LMBR1: variants seen among roughly 807,000 people sequenced by gnomAD.
LMBR1 encodes limb development membrane protein 1, also known as limb region 1 protein homolog.
A neutral mutation model predicts 73.9 loss-of-function variants in LMBR1; 52 were observed. The observed-to-expected ratio is 0.70, with a 90% CI of 0.56 to 0.89. The LOEUF (loss-of-function observed/expected upper bound fraction) is 0.89, where lower values mean the gene tolerates loss of function less well. Among genes scored for constraint, LMBR1 ranks in the 40% least tolerant of loss-of-function variants. The pLI, the probability that LMBR1 is intolerant of heterozygous loss-of-function variation, is 0.00. For missense variants in LMBR1, 539 were observed against 579.8 expected (o/e 0.93, Z 0.72); for synonymous variants, 215 against 209.4 (o/e 1.03, Z -0.23).
intron 9 of LMBR1, among the ~76,000 whole-genome samples, chr7:156,749,464 T>C (rs1404419912): frequency 1.3e-5 from 2 of 152,144 alleles, no homozygotes; most frequent in African/African-American, 4.8e-5. Context: ...CAAATTCAAC[T>C]TGGTTATAAA....
intron 3 of LMBR1, among the ~76,000 whole-genome samples, chr7:156,831,346 GT>G (rs147815294): frequency 0.016 from 2,243 of 139,040 alleles, 49 homozygotes; most frequent in African/African-American, 0.056. Flanking sequence ...TGAGAACTCT[GT>G]TTTACATACA....
At chr7:156,726,591 T>C in intron 12 of LMBR1, among the ~76,000 whole-genome samples, 1 of 152,068 alleles carries the variant, frequency 6.6e-6, no homozygotes, top group East Asian at 1.9e-4. Flanking sequence ...ACAGATTACA[T>C]CTAATAGAAA....
chr7:156,835,330 C>A (rs1837424171), intron 2 of LMBR1, among the ~76,000 whole-genome samples: 1 of 152,112 alleles, frequency 6.6e-6, no homozygotes, highest in Non-Finnish European at 1.5e-5. Flanking sequence ...AGAACTTTTA[C>A]AACCAAAGGG....
intron 10 of LMBR1, 67 bp downstream of exon 10, chr7:156,734,110 A>G: frequency 1.1e-6 from 1 of 916,356 alleles, no homozygotes; most frequent in South Asian, 1.9e-5. Context: ...AATATTTCAG[A>G]CTACAGTAAA....
At chr7:156,840,541 C>T (rs1442077165) in intron 1 of LMBR1, among the ~76,000 whole-genome samples, 1 of 152,000 alleles carries the variant, frequency 6.6e-6, no homozygotes, top group Non-Finnish European at 1.5e-5. Context: ...ATTCGGGTCA[C>T]GCAAGACTCA....
chr7:156,721,544 T>C (rs1814582430), intron 15 of LMBR1, among the ~76,000 whole-genome samples: 2 of 152,124 alleles, frequency 1.3e-5, no homozygotes, highest in African/African-American at 2.4e-5. Flanking sequence ...GTAAACTGTT[T>C]ACTAAAAATA....
At chr7:156,758,323 T>A (rs1288703943) in intron 8 of LMBR1, among the ~76,000 whole-genome samples, 1 of 152,244 alleles carries the variant, frequency 6.6e-6, no homozygotes, top group Non-Finnish European at 1.5e-5. Context: ...ACATAAGGTC[T>A]AAGGCATACA....
At chr7:156,844,966 C>T (rs1056332065) in intron 1 of LMBR1, among the ~76,000 whole-genome samples, 7 of 152,280 alleles carry the variant, frequency 4.6e-5, no homozygotes, top group East Asian at 1.9e-4. Context: ...CAGACTGGTG[C>T]GTTATAATCA....
chr7:156,820,379 AG>A (rs1563446968), intron 4 of LMBR1, among the ~76,000 whole-genome samples: 1 of 152,196 alleles, frequency 6.6e-6, no homozygotes, highest in Non-Finnish European at 1.5e-5. Context: ...ATTATAATTT[AG>A]TTCACAGAAA....
intron 9 of LMBR1, among the ~76,000 whole-genome samples, chr7:156,740,665 G>A (rs1229320917): frequency 6.6e-6 from 1 of 152,168 alleles, no homozygotes; most frequent in Non-Finnish European, 1.5e-5. Context: ...CTTCAAGCAT[G>A]AAGGAGAAAT....
Position 156,824,142 on chromosome 7 carries a change from A to G in LMBR1, c.319+2463T>C, listed in dbSNP as rs865955624. ...CAACAACAACAATATATATATACAC[A>G]CGCGCGCGCGCTGAAAAAATGTGGA... On this transcript the variant is annotated intron_variant, in intron 4 of 16. Transcript: ENST00000353442. Among the ~76,000 whole-genome samples the G allele has an allele frequency of 1.4e-4, 22 of 151,752 alleles. 1 individual carries two copies. In the South Asian group the frequency reaches 2.1e-3, roughly 14 times the overall value.
At chr7:156,736,750 T>A (rs184209008) in intron 9 of LMBR1, 64 of 333,256 alleles carry the variant, frequency 1.9e-4, no homozygotes, top group Non-Finnish European at 3.0e-4. Context: ...AAAATGCCTA[T>A]CCACATAGCA....
chr7:156,775,144 G>A (rs1350992394), intron 5 of LMBR1, among the ~76,000 whole-genome samples: 1 of 152,126 alleles, frequency 6.6e-6, no homozygotes, highest in Non-Finnish European at 1.5e-5. Context: ...CGGGTGGGCA[G>A]ATCACTTGAG....
At chr7:156,716,187 G>A (rs773984965) in intron 15 of LMBR1, among the ~76,000 whole-genome samples, 16 of 152,228 alleles carry the variant, frequency 1.1e-4, no homozygotes, top group Non-Finnish European at 1.9e-4. Flanking sequence ...GCAAGACTCT[G>A]AGACACCTTC....
intron 15 of LMBR1, among the ~76,000 whole-genome samples, chr7:156,718,667 G>A (rs773670077): frequency 6.6e-6 from 1 of 152,140 alleles, no homozygotes; most frequent in Non-Finnish European, 1.5e-5. Flanking sequence ...AGCCCAGGAA[G>A]TTGAGGCTGC....
intron 1 of LMBR1, among the ~76,000 whole-genome samples, chr7:156,851,681 T>C (rs1796259882): frequency 6.6e-6 from 1 of 152,030 alleles, no homozygotes. Context: ...TACTCGCACA[T>C]AAAAACAGTA....
intron 1 of LMBR1, among the ~76,000 whole-genome samples, chr7:156,853,602 A>G (rs549652875): frequency 3.2e-4 from 49 of 152,342 alleles, no homozygotes; most frequent in Admixed American, 1.1e-3. Context: ...GAAGATTCTC[A>G]AGCAGCTGCC....
At chr7:156,740,481 G>C (rs1160617747) in intron 9 of LMBR1, among the ~76,000 whole-genome samples, 1 of 152,152 alleles carries the variant, frequency 6.6e-6, no homozygotes, top group African/African-American at 2.4e-5. Context: ...ATAAAGAAAG[G>C]ATCCCAAAAG....
chr7:156,880,611 C>A (rs1356761216), intron 1 of LMBR1, among the ~76,000 whole-genome samples: 1 of 151,966 alleles, frequency 6.6e-6, no homozygotes, highest in Non-Finnish European at 1.5e-5. Context: ...TCCATAATAC[C>A]CAAGCAATTT....
Sources: allele counts gnomAD v4.1 joint callset (sites outside exome capture counted in the v4.1 genomes callset), GRCh38; gene constraint gnomAD v4.1.1; transcripts MANE v1.5; gene names NCBI Gene and HGNC (gene_info 2026-07-23, HGNC 2026-07-21).